Variants in PHF20 observed in about 807,000 individuals in gnomAD.
PHF20 encodes PHD finger protein 20.
A neutral mutation model predicts 113.5 loss-of-function variants in PHF20; 23 were observed. The ratio of observed to expected loss-of-function variants is 0.20; its 90% CI spans 0.15 to 0.29. PHF20 has a LOEUF of 0.29. Among genes scored for constraint, PHF20 ranks in the 10% least tolerant of loss-of-function variants. PHF20 has a pLI of 1.00. For missense variants in PHF20, 943 were observed against 1,219.6 expected (o/e 0.77, Z 3.38); for synonymous variants, 434 against 457.3 (o/e 0.95, Z 0.65).
intron 4 of PHF20, among the ~76,000 whole-genome samples, chr20:35,849,784 C>T (rs2042686392): frequency 6.7e-6 from 1 of 149,892 alleles, no homozygotes; most frequent in African/African-American, 2.5e-5. Context: ...CTGTAAATGT[C>T]ACTTATGTCT....
chr20:35,891,907 G>A (rs893897524), intron 9 of PHF20, among the ~76,000 whole-genome samples: 1 of 151,892 alleles, frequency 6.6e-6, no homozygotes, highest in Non-Finnish European at 1.5e-5. Flanking sequence ...TTGTCACTGT[G>A]TTGCCCAGGC....
At chr20:35,945,858 C>A (rs1355820114) in intron 17 of PHF20, among the ~76,000 whole-genome samples, 1 of 152,056 alleles carries the variant, frequency 6.6e-6, no homozygotes, top group Non-Finnish European at 1.5e-5. Context: ...TAATTAATAC[C>A]TGAAATCTTA....
At chr20:35,852,931 A>T (rs1358410302) in intron 4 of PHF20, among the ~76,000 whole-genome samples, 2 of 149,736 alleles carry the variant, frequency 1.3e-5, no homozygotes, top group African/African-American at 4.9e-5. Flanking sequence ...TTTTTTTCTA[A>T]AAAGGGCCAG....
At chr20:35,793,508 C>T (rs1361829234) in intron 1 of PHF20, among the ~76,000 whole-genome samples, 2 of 150,956 alleles carry the variant, frequency 1.3e-5, no homozygotes, top group African/African-American at 4.9e-5. Context: ...CCATATTGGC[C>T]AGGCTGGTCT....
chr20:35,893,611 G>C (rs2054919099), intron 9 of PHF20, among the ~76,000 whole-genome samples: 1 of 151,078 alleles, frequency 6.6e-6, no homozygotes, highest in Non-Finnish European at 1.5e-5. Flanking sequence ...GCCGGCCATG[G>C]CTTTTTTCTT....
At chr20:35,899,684 C>T in intron 10 of PHF20, 36 bp downstream of exon 10, 1 of 1,601,154 alleles carries the variant, frequency 6.2e-7, no homozygotes, top group Non-Finnish European at 8.5e-7. Context: ...TCATGGATGG[C>T]TCAGTTGCTT....
At chr20:35,816,339 A>G (rs982248522) in intron 2 of PHF20, among the ~76,000 whole-genome samples, 1 of 152,204 alleles carries the variant, frequency 6.6e-6, no homozygotes, top group African/African-American at 2.4e-5. Flanking sequence ...TACAATATCA[A>G]TATTACTATT....
chr20:35,868,138 A>G (rs1600848972), intron 6 of PHF20, among the ~76,000 whole-genome samples: 1 of 152,214 alleles, frequency 6.6e-6, no homozygotes, highest in Non-Finnish European at 1.5e-5. Context: ...TACTAAAGAT[A>G]CAAAATTAGC....
intron 9 of PHF20, among the ~76,000 whole-genome samples, chr20:35,885,330 T>C (rs2054706948): frequency 6.6e-6 from 1 of 151,860 alleles, no homozygotes. Flanking sequence ...TGGGGGTAAA[T>C]TTTTTTTATT....
In PHF20 at chr20:35,842,114, G is replaced by A. The variant is rs1381728567; in HGVS notation, c.84-459G>A. On this transcript the variant is annotated intron_variant, in intron 2 of 17. Coordinates refer to ENST00000374012, the MANE Select transcript of PHF20 (RefSeq NM_016436.5). ...TAATCTCAGCACTCTGGGAGGTTGA[G>A]GCGGGCAGATCACCTAAGGTCGGGA... is the stretch of plus-strand genomic sequence containing the variant. Among the ~76,000 whole-genome samples, 3 of 152,294 alleles carry A rather than the reference G, an allele frequency of 2.0e-5. No individual in the cohort carries two copies. In the East Asian group the frequency reaches 5.8e-4, roughly 29 times the overall value.
At chr20:35,920,406 G>T (rs1474549486) in intron 13 of PHF20, among the ~76,000 whole-genome samples, 1 of 152,132 alleles carries the variant, frequency 6.6e-6, no homozygotes, top group Non-Finnish European at 1.5e-5. Context: ...AAGGTAACTG[G>T]GTACAGCTGA....
chr20:35,919,705 A>G (rs1319321300), intron 13 of PHF20, among the ~76,000 whole-genome samples: 1 of 152,320 alleles, frequency 6.6e-6, no homozygotes, highest in Non-Finnish European at 1.5e-5. Flanking sequence ...ATTTCTTGAA[A>G]CATTGGGACT....
At chr20:35,864,898 G>A (rs1278183653) in intron 6 of PHF20, among the ~76,000 whole-genome samples, 2 of 152,106 alleles carry the variant, frequency 1.3e-5, no homozygotes, top group Non-Finnish European at 2.9e-5. Flanking sequence ...AACACACCTC[G>A]ATTTTAAAAT....
intron 15 of PHF20, among the ~76,000 whole-genome samples, chr20:35,938,053 T>TC (rs2055899791): frequency 6.6e-6 from 1 of 152,072 alleles, no homozygotes; most frequent in Non-Finnish European, 1.5e-5. Flanking sequence ...TTTTGTATTT[T>TC]AGTAGAGGCG....
intron 1 of PHF20, among the ~76,000 whole-genome samples, chr20:35,783,007 C>A: frequency 6.6e-6 from 1 of 151,784 alleles, no homozygotes; most frequent in Admixed American, 6.6e-5. Context: ...CAGTCCTGGC[C>A]ACAGAGTGAA....
At position 35,911,244 on chromosome 20, in the gene PHF20, A is replaced by G. The variant is rs6058360; in HGVS notation, c.1562-2005A>G. ...TTTTTAGTAGAGACAGGGTTTTACC[A>G]TGTTAGCCAGGATGGTCTCAATCTC... On this transcript the variant is annotated intron_variant, in intron 10 of 17. Coordinates refer to ENST00000374012, the MANE Select transcript of PHF20 (RefSeq NM_016436.5). 1.1e-4 allele frequency among the ~76,000 whole-genome samples: 16 copies of G among 152,122 alleles called. No homozygotes were observed. The East Asian group carries it at 1.2e-3, about 11-fold the overall frequency.
chr20:35,811,546 G>A (rs1356253013), intron 2 of PHF20, among the ~76,000 whole-genome samples: 1 of 150,920 alleles, frequency 6.6e-6, no homozygotes, highest in Non-Finnish European at 1.5e-5. Flanking sequence ...TGGTACAAGC[G>A]ATTCTTCTGT....
At chr20:35,816,063 T>C (rs1234059327) in intron 2 of PHF20, among the ~76,000 whole-genome samples, 1 of 152,116 alleles carries the variant, frequency 6.6e-6, no homozygotes, top group East Asian at 1.9e-4. Flanking sequence ...TTCAAGTGAT[T>C]CTCCTGCCTC....
At chr20:35,888,334 C>T (rs368657018) in intron 9 of PHF20, among the ~76,000 whole-genome samples, 5 of 152,126 alleles carry the variant, frequency 3.3e-5, no homozygotes, top group Non-Finnish European at 5.9e-5. Flanking sequence ...TCTGCACATA[C>T]CAAAGTATAG....
Sources: allele counts gnomAD v4.1 joint callset (sites outside exome capture counted in the v4.1 genomes callset), GRCh38; gene constraint gnomAD v4.1.1; transcripts MANE v1.5; gene names NCBI Gene and HGNC (gene_info 2026-07-23, HGNC 2026-07-21).